The following FARP1 variants were observed in gnomAD, a reference collection of about 807,000 sequenced individuals.
FARP1 encodes the protein FERM, ARHGEF and pleckstrin domain-containing protein 1.
A neutral mutation model predicts 128.8 loss-of-function variants in FARP1; 52 were observed. The ratio of observed to expected loss-of-function variants is 0.40; its 90% CI spans 0.32 to 0.51. The LOEUF (loss-of-function observed/expected upper bound fraction) is 0.51. Among genes scored for constraint, FARP1 ranks in the 20% least tolerant of loss-of-function variants. The pLI, the probability that FARP1 is intolerant of heterozygous loss-of-function variation, is 0.45. For synonymous variants in FARP1, 580 were observed against 551.8 expected, an observed-to-expected ratio of 1.05 and a Z score of -0.72; for missense variants, 1,333 against 1,367.9, an observed-to-expected ratio of 0.97 and a Z score of 0.40.
intron 2 of FARP1, among the ~76,000 whole-genome samples, chr13:98,280,296 G>A (rs1884868906): frequency 1.3e-5 from 2 of 152,158 alleles, no homozygotes; most frequent in Non-Finnish European, 2.9e-5. Context: ...AGCATCAGCT[G>A]GTTTTCCAGC....
At chr13:98,225,947 T>C (rs1881736378) in intron 2 of FARP1, among the ~76,000 whole-genome samples, 1 of 152,216 alleles carries the variant, frequency 6.6e-6, no homozygotes, top group Non-Finnish European at 1.5e-5. Context: ...TCAGTGATGG[T>C]TGGAAGTCCC....
intron 1 of FARP1, among the ~76,000 whole-genome samples, chr13:98,205,158 A>G (rs540080970): frequency 3.9e-5 from 6 of 152,230 alleles, no homozygotes; most frequent in Non-Finnish European, 8.8e-5. Context: ...TTTGAAGACC[A>G]GCTATGACTC....
chr13:98,198,995 C>CT (rs56084701), intron 1 of FARP1, among the ~76,000 whole-genome samples: 43,222 of 100,988 alleles, frequency 0.43, 9,553 homozygotes, highest in Non-Finnish European at 0.53. Context: ...TGGAGGATTA[C>CT]TGAGCCCAAG....
chr13:98,259,711 G>A (rs1286920523), intron 2 of FARP1, among the ~76,000 whole-genome samples: 3 of 152,072 alleles, frequency 2.0e-5, no homozygotes, highest in Non-Finnish European at 4.4e-5. Flanking sequence ...GTTGCTTGGA[G>A]CTTGACTTAT....
intron 2 of FARP1, among the ~76,000 whole-genome samples, chr13:98,220,924 C>G (rs1881378997): frequency 6.6e-6 from 1 of 151,984 alleles, no homozygotes; most frequent in South Asian, 2.1e-4. Context: ...CTGAATCTGA[C>G]TTTAAAATGG....
In FARP1 at chr13:98,430,965, T is replaced by TC. The variant is rs748684986; in HGVS notation, c.1906-74dup. On this transcript the variant is annotated intron_variant, in intron 17 of 26. Transcript: ENST00000319562. ...ATAGAGAGTGCAGGAGCGCTTCATT[T>TC]CCCCAAGTGAAACTGGGCAGAACAC... 415 of 866,540 alleles carry TC rather than the reference T, an allele frequency of 4.8e-4. 1 individual carries two copies. The highest frequency in any genetic ancestry group is 5.6e-4 in the Non-Finnish European group (300 of 536,024). 53.7% of individuals were successfully genotyped at this position (866,540 alleles called of 1,614,324 possible).
At chr13:98,162,727 C>G (rs1876974161) in intron 1 of FARP1, among the ~76,000 whole-genome samples, 1 of 152,182 alleles carries the variant, frequency 6.6e-6, no homozygotes, top group African/African-American at 2.4e-5. Context: ...CTGTTAGTCT[C>G]TGGTAAAGTT....
At chr13:98,159,929 A>C (rs73559585) in intron 1 of FARP1, among the ~76,000 whole-genome samples, 1 of 152,180 alleles carries the variant, frequency 6.6e-6, no homozygotes. Context: ...AATCTGGTCA[A>C]TCACCAGACG....
chr13:98,364,242 C>G (rs1443518946), intron 3 of FARP1, among the ~76,000 whole-genome samples: 2 of 152,144 alleles, frequency 1.3e-5, no homozygotes, highest in African/African-American at 4.8e-5. Context: ...TCTAATAAGT[C>G]TCCAGAAAAG....
chr13:98,285,237 T>A (rs1885110496), intron 2 of FARP1, among the ~76,000 whole-genome samples: 1 of 152,150 alleles, frequency 6.6e-6, no homozygotes, highest in South Asian at 2.1e-4. Flanking sequence ...CATTAAAAAA[T>A]TTTAAAATAT....
Position 98,176,895 on chromosome 13 carries a change from G to A in FARP1, c.-24+33403G>A, listed in dbSNP as rs1413426495. On this transcript the variant is annotated intron_variant, in intron 1 of 26. Transcript: ENST00000319562. The surrounding 1 kb of genome is among the most constrained non-coding windows in gnomAD (Gnocchi z 6.2). ...GGTGCTCCTTCTCGGTGTCCTGCTC[G>A]AAGTCAGCGGTGGCCCCCATGTCCT... The A allele has an allele frequency of 1.9e-6, 3 of 1,606,040 alleles. No individual in the cohort carries two copies. Among genetic ancestry groups the A allele is most frequent in the Non-Finnish European group, 1.7e-6 (2 of 1,179,908 alleles).
intron 6 of FARP1, chr13:98,382,319 G>A (rs1889915736): frequency 6.6e-6 from 1 of 151,966 alleles, no homozygotes; most frequent in South Asian, 2.1e-4. Context: ...TCAAAGAGGA[G>A]AAATGTGGGG....
At chr13:98,291,347 G>A (rs1207701075) in intron 2 of FARP1, among the ~76,000 whole-genome samples, 2 of 152,196 alleles carry the variant, frequency 1.3e-5, no homozygotes, top group African/African-American at 4.8e-5. Context: ...GGCTGAGGAG[G>A]AGGAGGAGGA....
chr13:98,162,821 TAGGTTGCTGGCG>T (rs1356008162), intron 1 of FARP1, among the ~76,000 whole-genome samples: 4 of 152,212 alleles, frequency 2.6e-5, no homozygotes, highest in African/African-American at 9.6e-5. Flanking sequence ...AATACCCATT[TAGGTTGCTGGCG>T]AGGTTGCGGA....
intron 1 of FARP1, among the ~76,000 whole-genome samples, chr13:98,157,645 ATTTTACTTAAGAG>A (rs1426275528): frequency 6.6e-6 from 1 of 152,136 alleles, no homozygotes; most frequent in Non-Finnish European, 1.5e-5. Flanking sequence ...TTTTATCCTC[ATTTTACTTAAGAG>A]GGTAATGGAG....
chr13:98,439,600 A>G (rs1172740201), intron 21 of FARP1, among the ~76,000 whole-genome samples: 1 of 152,172 alleles, frequency 6.6e-6, no homozygotes, highest in Non-Finnish European at 1.5e-5. Flanking sequence ...GAGCTGGGCC[A>G]GCCACCTCGT....
At chr13:98,299,716 A>G (rs150435777) in intron 2 of FARP1, among the ~76,000 whole-genome samples, 91 of 152,304 alleles carry the variant, frequency 6.0e-4, no homozygotes, top group South Asian at 1.5e-3. Flanking sequence ...TAATCACTTT[A>G]TTTGAGAGCT....
At chr13:98,438,908 G>T (rs749442431) in intron 20 of FARP1, 36 bp downstream of exon 20, 8 of 1,602,780 alleles carry the variant, frequency 5.0e-6, no homozygotes, top group Middle Eastern at 3.4e-4. Context: ...CACAAGGATT[G>T]TGTCACCTGG....
intron 1 of FARP1, among the ~76,000 whole-genome samples, chr13:98,195,034 G>A (rs1242855181): frequency 6.6e-6 from 1 of 152,216 alleles, no homozygotes; most frequent in African/African-American, 2.4e-5. Context: ...GGGTCGTTGT[G>A]TAGAATCGGG....
Sources: gnomAD v4.1 joint callset for allele counts (sites outside exome capture counted in the v4.1 genomes callset) on GRCh38, gnomAD v4.1.1 for gene constraint, Gnocchi (gnomAD v3.1) non-coding constraint, MANE v1.5 for transcripts, NCBI Gene and HGNC (gene_info 2026-07-23, HGNC 2026-07-21) for gene names.